The following KCNIP1 variants were observed in gnomAD, a reference collection of about 807,000 sequenced individuals.
KCNIP1 encodes A-type potassium channel modulatory protein KCNIP1.
A neutral mutation model predicts 33.0 loss-of-function variants in KCNIP1; 18 were observed. The observed-to-expected ratio is 0.55, with a 90% CI of 0.38 to 0.81. KCNIP1 has a LOEUF of 0.81. Among genes scored for constraint, KCNIP1 ranks in the 30% least tolerant of loss-of-function variants. The pLI, the probability that KCNIP1 is intolerant of heterozygous loss-of-function variation, is 0.00. For synonymous variants in KCNIP1, 93 were observed against 98.3 expected (o/e 0.95, Z 0.32); for missense variants, 238 against 271.6 (o/e 0.88, Z 0.87).
At chr5:170,632,035 G>A (rs763977362) in intron 1 of KCNIP1, among the ~76,000 whole-genome samples, 4 of 152,190 alleles carry the variant, frequency 2.6e-5, no homozygotes, top group Non-Finnish European at 4.4e-5. Context: ...AGGGGCCCAC[G>A]CTTGAGGCCG....
intron 1 of KCNIP1, among the ~76,000 whole-genome samples, chr5:170,557,989 C>G (rs962669182): frequency 6.6e-6 from 1 of 152,094 alleles, no homozygotes; most frequent in Non-Finnish European, 1.5e-5. Context: ...CATATTCAGC[C>G]CTGAGGCTGG....
At chr5:170,658,862 G>A (rs1052494336) in intron 1 of KCNIP1, among the ~76,000 whole-genome samples, 5 of 152,190 alleles carry the variant, frequency 3.3e-5, no homozygotes, top group Non-Finnish European at 7.3e-5. Context: ...TCCACGATGG[G>A]TCTGAACATG....
intron 1 of KCNIP1, among the ~76,000 whole-genome samples, chr5:170,358,098 A>G (rs1008148620): frequency 3.3e-5 from 5 of 152,134 alleles, no homozygotes; most frequent in African/African-American, 9.7e-5. Flanking sequence ...CGCTGGCAGG[A>G]ACCAGAAGTT....
intron 1 of KCNIP1, among the ~76,000 whole-genome samples, chr5:170,487,735 C>G (rs1472097044): frequency 6.6e-6 from 1 of 152,046 alleles, no homozygotes; most frequent in Non-Finnish European, 1.5e-5. Flanking sequence ...CCAGGCTGGT[C>G]TCGAACTCCT....
At chr5:170,485,286 C>A (rs1757064430) in intron 1 of KCNIP1, among the ~76,000 whole-genome samples, 1 of 152,208 alleles carries the variant, frequency 6.6e-6, no homozygotes, top group Non-Finnish European at 1.5e-5. Flanking sequence ...CTGGCCTGGG[C>A]CTCTGGTCTT....
intron 1 of KCNIP1, among the ~76,000 whole-genome samples, chr5:170,572,723 G>GCTGATGATGA (rs1581343465): frequency 1.3e-5 from 2 of 152,338 alleles, no homozygotes; most frequent in East Asian, 3.9e-4. Flanking sequence ...CTGGGGCGGG[G>GCTGATGATGA]CTGATGATGA....
At chr5:170,720,690 G>A (rs1763790259) in intron 3 of KCNIP1, among the ~76,000 whole-genome samples, 1 of 152,222 alleles carries the variant, frequency 6.6e-6, no homozygotes, top group South Asian at 2.1e-4. Context: ...TTTCGGGGAA[G>A]ATAAGCAGTG....
intron 1 of KCNIP1, among the ~76,000 whole-genome samples, chr5:170,553,474 G>T (rs945457160): frequency 4.6e-5 from 7 of 152,104 alleles, no homozygotes; most frequent in African/African-American, 1.7e-4. Flanking sequence ...TTACATCTAG[G>T]CAGACTGACC....
chr5:170,501,801 T>C (rs1268866893), upstream of KCNIP1, among the ~76,000 whole-genome samples: 1 of 152,234 alleles, frequency 6.6e-6, no homozygotes, highest in Non-Finnish European at 1.5e-5. Context: ...CTCTCCTCTG[T>C]TCCCTGAATC....
intron 1 of KCNIP1, among the ~76,000 whole-genome samples, chr5:170,554,042 G>A (rs1164694888): frequency 6.6e-6 from 1 of 152,210 alleles, no homozygotes; most frequent in Non-Finnish European, 1.5e-5. Flanking sequence ...AAGGAAAGCA[G>A]CTCCCGTTGG....
At chr5:170,476,218 G>T (rs1462393629) in intron 1 of KCNIP1, among the ~76,000 whole-genome samples, 3 of 152,142 alleles carry the variant, frequency 2.0e-5, no homozygotes, top group Admixed American at 6.5e-5. Context: ...CAATCCATCA[G>T]CCTTGGCCTC....
intron 7 of KCNIP1, 97 bp downstream of exon 7, chr5:170,733,995 T>C (rs1275771914): frequency 1.1e-6 from 1 of 891,340 alleles, no homozygotes; most frequent in Non-Finnish European, 1.8e-6. Flanking sequence ...AACCTGCACA[T>C]ACCTGCAACC....
chr5:170,731,872 C>CAAAAAAAAAAAAA (rs1157286321), intron 5 of KCNIP1, among the ~76,000 whole-genome samples: 1 of 16,914 alleles, frequency 5.9e-5, no homozygotes, highest in African/African-American at 2.3e-4. Context: ...GACTCCGTCT[C>CAAAAAAAAAAAAA]AAAAAAAAAA....
chr5:170,665,317 T>C (rs1008501507), intron 1 of KCNIP1, among the ~76,000 whole-genome samples: 1 of 151,958 alleles, frequency 6.6e-6, no homozygotes, highest in Admixed American at 6.6e-5. Context: ...GACAGATTTA[T>C]TTACAGAAAT....
intron 1 of KCNIP1, among the ~76,000 whole-genome samples, chr5:170,661,921 T>A (rs998180496): frequency 6.6e-6 from 1 of 152,172 alleles, no homozygotes; most frequent in Non-Finnish European, 1.5e-5. Context: ...GTGTACAACA[T>A]AGAGCTTTCC....
At position 170,378,464 on chromosome 5, in the gene KCNIP1, C is replaced by T. The variant is rs1581125768; in HGVS notation, c.88+24500C>T. 4 of 531,328 alleles carry T rather than the reference C, an allele frequency of 7.5e-6. No individual in the cohort carries two copies. In the East Asian group the frequency reaches 1.2e-4, roughly 16 times the overall value. 32.9% of individuals were successfully genotyped at this position (531,328 alleles called of 1,614,324 possible). ...TTGAGTGGGGACAGGTAATAGAGAG[C>T]TAGAACTGGCTGGCCTTATGGCCTC... On this transcript the variant is annotated intron_variant, in intron 1 of 7. Coordinates refer to the KCNIP1 transcript ENST00000377360.
chr5:170,561,114 A>G, intron 1 of KCNIP1: 1 of 455,980 alleles, frequency 2.2e-6, no homozygotes, highest in Non-Finnish European at 4.4e-6. Context: ...TCTGTAATTA[A>G]TGTGGGCAGT....
At chr5:170,682,784 CTT>C (rs70979196) in intron 1 of KCNIP1, among the ~76,000 whole-genome samples, 53 of 71,392 alleles carry the variant, frequency 7.4e-4, no homozygotes, top group African/African-American at 2.8e-3. Flanking sequence ...TTCTTTGTTT[CTT>C]TTTTTTTTTT....
intron 1 of KCNIP1, among the ~76,000 whole-genome samples, chr5:170,580,044 C>T (rs1311278258): frequency 1.3e-5 from 2 of 151,860 alleles, no homozygotes; most frequent in Non-Finnish European, 2.9e-5. Flanking sequence ...AGGGTGTAGC[C>T]TTCTCTGTTC....
Sources: allele counts gnomAD v4.1 joint callset (sites outside exome capture counted in the v4.1 genomes callset), GRCh38; gene constraint gnomAD v4.1.1; transcripts MANE v1.5; gene names NCBI Gene and HGNC (gene_info 2026-07-23, HGNC 2026-07-21).